The following PTN variants were observed in gnomAD, a reference collection of about 807,000 sequenced individuals.
The protein encoded by PTN is pleiotrophin, also known as heparin affin regulatory protein.
PTN carries 18 observed loss-of-function variants against 24.1 expected under a neutral mutation model. That is an observed-to-expected ratio of 0.75 (90% CI 0.52 to 1.11). The LOEUF (loss-of-function observed/expected upper bound fraction) is 1.11. Among genes scored for constraint, PTN ranks in the 50% least tolerant of loss-of-function variants. The pLI is 0.00. For synonymous variants in PTN, 78 were observed against 68.6 expected, an observed-to-expected ratio of 1.14 and a Z score of -0.67; for missense variants, 163 against 198.8, an observed-to-expected ratio of 0.82 and a Z score of 1.08.
In PTN at chr7:137,280,421, C is replaced by T. The variant is rs374269120; in HGVS notation, c.-1-25447G>A. Among the ~76,000 whole-genome samples, 7 of 151,634 alleles carry T rather than the reference C, an allele frequency of 4.6e-5. No homozygotes were observed. The East Asian group carries it at 9.8e-4, about 21-fold the overall frequency. ...GAGGATTTAGTATTGCCCAAGGAGA[C>T]TATAGAATAAGAAGACATAGAGTAA... On this transcript the variant is annotated intron_variant, in intron 1 of 4. Transcript: ENST00000348225.
chr7:137,241,554 GC>G (rs1247018223), intron 4 of PTN, among the ~76,000 whole-genome samples: 79 of 152,208 alleles, frequency 5.2e-4, no homozygotes, highest in African/African-American at 1.8e-3. Flanking sequence ...TATTTACCAA[GC>G]ATTCTTACTT....
intron 4 of PTN, among the ~76,000 whole-genome samples, chr7:137,232,357 T>C (rs1434301964): frequency 6.6e-6 from 1 of 151,986 alleles, no homozygotes; most frequent in Non-Finnish European, 1.5e-5. Context: ...TTTCATCCTT[T>C]CTTTGGCCAG....
At chr7:137,233,001 C>A (rs529088905) in intron 4 of PTN, among the ~76,000 whole-genome samples, 18 of 152,028 alleles carry the variant, frequency 1.2e-4, no homozygotes, top group African/African-American at 4.1e-4. Context: ...TTATAGATTA[C>A]CCAGTTCTGG....
chr7:137,262,651 G>A (rs322312), intron 1 of PTN, among the ~76,000 whole-genome samples: 13,692 of 152,102 alleles, frequency 0.09, 669 homozygotes, highest in Non-Finnish European at 0.11. Context: ...CCTTTTAAGG[G>A]CTAACAACCC....
chr7:137,309,313 G>A (rs1809943420), intron 1 of PTN, among the ~76,000 whole-genome samples: 1 of 152,156 alleles, frequency 6.6e-6, no homozygotes, highest in Non-Finnish European at 1.5e-5. Flanking sequence ...ATATGCTAAT[G>A]AGCATCTGAG....
intron 1 of PTN, among the ~76,000 whole-genome samples, chr7:137,339,384 T>C (rs1810498028): frequency 6.6e-6 from 1 of 151,730 alleles, no homozygotes; most frequent in Non-Finnish European, 1.5e-5. Context: ...ACAATAAATA[T>C]TGTTAAATTG....
chr7:137,268,263 G>T (rs1222104629), intron 1 of PTN, among the ~76,000 whole-genome samples: 1 of 152,024 alleles, frequency 6.6e-6, no homozygotes, highest in Non-Finnish European at 1.5e-5. Context: ...TCCCCCGCAG[G>T]GATGTTCCAC....
chr7:137,321,199 A>G (rs1197778271), intron 1 of PTN, among the ~76,000 whole-genome samples: 1 of 152,190 alleles, frequency 6.6e-6, no homozygotes, highest in Non-Finnish European at 1.5e-5. Context: ...CATGTTCACC[A>G]CATTCTCTCT....
At chr7:137,309,243 G>A (rs937936882) in intron 1 of PTN, among the ~76,000 whole-genome samples, 2 of 152,206 alleles carry the variant, frequency 1.3e-5, no homozygotes, top group African/African-American at 2.4e-5. Context: ...TATTAAGTGT[G>A]CAATAGCAGT....
At chr7:137,263,202 A>G (rs914416439) in intron 1 of PTN, among the ~76,000 whole-genome samples, 4 of 152,140 alleles carry the variant, frequency 2.6e-5, no homozygotes, top group Non-Finnish European at 5.9e-5. Flanking sequence ...GCAGGTTCCT[A>G]TTACTATTAT....
chr7:137,316,892 C>A (rs1240990014), intron 1 of PTN, among the ~76,000 whole-genome samples: 1 of 152,158 alleles, frequency 6.6e-6, no homozygotes, highest in Non-Finnish European at 1.5e-5. Flanking sequence ...GGCGCCTGTG[C>A]CAAATGGGTC....
chr7:137,341,985 C>G (rs1810541592), intron 1 of PTN, among the ~76,000 whole-genome samples: 1 of 152,078 alleles, frequency 6.6e-6, no homozygotes, highest in African/African-American at 2.4e-5. Flanking sequence ...CTGAATTTAA[C>G]TGGACTATAT....
chr7:137,254,589 C>T (rs545087852), intron 2 of PTN, among the ~76,000 whole-genome samples: 4 of 151,838 alleles, frequency 2.6e-5, no homozygotes, highest in Admixed American at 6.6e-5. Flanking sequence ...ACCTGATTAC[C>T]GGTCAATGTT....
At chr7:137,241,053 A>T (rs1236189002) in intron 4 of PTN, among the ~76,000 whole-genome samples, 1 of 152,190 alleles carries the variant, frequency 6.6e-6, no homozygotes, top group East Asian at 1.9e-4. Context: ...GGCGAAGGGA[A>T]AACAAGGTAC....
At chr7:137,276,945 A>G (rs561616855) in intron 1 of PTN, among the ~76,000 whole-genome samples, 173 of 152,350 alleles carry the variant, frequency 1.1e-3, no homozygotes, top group African/African-American at 4.0e-3. Flanking sequence ...CACTCAAAAA[A>G]ACTACCAGAA....
At chr7:137,330,225 G>A (rs777673533) in intron 1 of PTN, among the ~76,000 whole-genome samples, 1 of 152,094 alleles carries the variant, frequency 6.6e-6, no homozygotes, top group Non-Finnish European at 1.5e-5. Context: ...GGTGGAGGTT[G>A]CAGTGAGCTG....
intron 1 of PTN, among the ~76,000 whole-genome samples, chr7:137,318,265 T>C (rs1224558444): frequency 6.6e-6 from 1 of 152,148 alleles, no homozygotes; most frequent in Admixed American, 6.5e-5. Context: ...GAGACTCGTC[T>C]TAATAATAGA....
chr7:137,330,453 G>T (rs1378463463), intron 1 of PTN, among the ~76,000 whole-genome samples: 1 of 152,176 alleles, frequency 6.6e-6, no homozygotes, highest in Non-Finnish European at 1.5e-5. Context: ...AAGGCAGAAA[G>T]CCAGCCCCCA....
intron 1 of PTN, among the ~76,000 whole-genome samples, chr7:137,293,379 T>C (rs1329502594): frequency 6.6e-6 from 1 of 152,162 alleles, no homozygotes; most frequent in African/African-American, 2.4e-5. Flanking sequence ...AGTATAACTA[T>C]ACTGAGGAAG....
Sources: gnomAD v4.1 joint callset for allele counts (sites outside exome capture counted in the v4.1 genomes callset) on GRCh38, gnomAD v4.1.1 for gene constraint, MANE v1.5 for transcripts, NCBI Gene and HGNC (gene_info 2026-07-23, HGNC 2026-07-21) for gene names.